CAST: variants seen among roughly 807,000 people sequenced by gnomAD.
CAST encodes MIR583 host.
Under a neutral mutation model 119.6 loss-of-function variants are expected in CAST, and 76 were observed. The ratio of observed to expected loss-of-function variants is 0.64; its 90% CI spans 0.53 to 0.77. CAST has a LOEUF of 0.77. Among genes scored for constraint, CAST ranks in the 30% least tolerant of loss-of-function variants. The pLI is 0.00. For synonymous variants in CAST, 319 were observed against 331.6 expected, an observed-to-expected ratio of 0.96 and a Z score of 0.41; for missense variants, 953 against 946.5, an observed-to-expected ratio of 1.01 and a Z score of -0.09.
the CAST span, chr5:96,397,218 T>C: frequency 1.2e-6 from 1 of 860,550 alleles, no homozygotes; most frequent in Non-Finnish European, 1.9e-6. Context: ...TTCCCTTACT[T>C]CTACTAAGAA....
At chr5:96,287,466 A>C in the CAST span, among the ~76,000 whole-genome samples, 1 of 152,106 alleles carries the variant, frequency 6.6e-6, no homozygotes, top group Non-Finnish European at 1.5e-5. Flanking sequence ...CTTCAGACCT[A>C]TATTTTTCCA....
the CAST span, among the ~76,000 whole-genome samples, chr5:96,443,042 T>C: frequency 6.6e-6 from 1 of 152,278 alleles, no homozygotes; most frequent in Admixed American, 6.5e-5. Flanking sequence ...TATTATTATC[T>C]CTTCAGAGAA....
the CAST span, among the ~76,000 whole-genome samples, chr5:96,324,658 C>G: frequency 6.6e-6 from 1 of 152,166 alleles, no homozygotes; most frequent in Non-Finnish European, 1.5e-5. Flanking sequence ...TTTATTGTAA[C>G]ACTGCACCCT....
chr5:96,060,293 A>T, the CAST span, among the ~76,000 whole-genome samples: 1 of 152,116 alleles, frequency 6.6e-6, no homozygotes, highest in Non-Finnish European at 1.5e-5. Flanking sequence ...TGTCCTCTAT[A>T]TTCATGACAC....
intron 1 of CAST, among the ~76,000 whole-genome samples, chr5:96,638,363 G>T (rs983036814): frequency 1.3e-5 from 2 of 152,076 alleles, no homozygotes; most frequent in Non-Finnish European, 2.9e-5. Flanking sequence ...CCAAGATCAT[G>T]CCACTGCACT....
the CAST span, among the ~76,000 whole-genome samples, chr5:96,123,782 G>C: frequency 1.3e-5 from 2 of 152,300 alleles, no homozygotes; most frequent in Admixed American, 1.3e-4. Context: ...TGGGAGAATT[G>C]AGAACTGATT....
the CAST span, among the ~76,000 whole-genome samples, chr5:96,140,467 T>A: frequency 1.3e-5 from 2 of 152,248 alleles, no homozygotes; most frequent in Admixed American, 1.3e-4. Flanking sequence ...CTTCATTTGC[T>A]TTCATTACTT....
chr5:96,124,416 T>C, the CAST span, among the ~76,000 whole-genome samples: 49 of 152,324 alleles, frequency 3.2e-4, no homozygotes, highest in African/African-American at 1.0e-3. Flanking sequence ...AATTCTATTA[T>C]GCTTATTTTT....
chr5:96,266,525 A>G, the CAST span, among the ~76,000 whole-genome samples: 43 of 152,348 alleles, frequency 2.8e-4, no homozygotes, highest in African/African-American at 9.1e-4. Flanking sequence ...GCAGCACTAC[A>G]CTGTAGAAAG....
Position 96,557,117 on chromosome 5 carries a change from G to T in CAST, c.60+27237G>T, listed in dbSNP as rs181971353. On this transcript the variant is annotated intron_variant, in intron 1 of 11. Coordinates refer to the CAST transcript ENST00000505143. ...TCGTATCCAGCCAAACTAAGCTTCA[G>T]AAGTGAAGGAGAAATAAAATACTTT... 2.1e-4 allele frequency among the ~76,000 whole-genome samples: 32 copies of T among 152,032 alleles called. 1 individual carries two copies. The highest frequency in any genetic ancestry group is 7.9e-4 in the Admixed American group (12 of 15,232).
chr5:96,756,687 A>G, intron 22 of CAST, among the ~76,000 whole-genome samples: 1 of 152,244 alleles, frequency 6.6e-6, no homozygotes, highest in East Asian at 1.9e-4. Context: ...TCAATGAAAC[A>G]AAAACCAACC....
chr5:96,014,144 ATTT>A, the CAST span, among the ~76,000 whole-genome samples: 1 of 143,458 alleles, frequency 7.0e-6, no homozygotes, highest in African/African-American at 2.5e-5. Flanking sequence ...TTTTGTATTC[ATTT>A]TTTTTTTTTT....
the CAST span, among the ~76,000 whole-genome samples, chr5:95,968,254 G>A: frequency 6.6e-6 from 1 of 152,100 alleles, no homozygotes; most frequent in African/African-American, 2.4e-5. Context: ...ATAGCAACAA[G>A]GCAAATAAAA....
the CAST span, chr5:96,426,074 A>T: frequency 1.5e-6 from 1 of 679,300 alleles, no homozygotes; most frequent in South Asian, 1.6e-5. Context: ...CTGGCACCTC[A>T]GTGAGAAGAA....
At chr5:96,602,821 G>T (rs1054854595) in intron 1 of CAST, among the ~76,000 whole-genome samples, 1 of 152,182 alleles carries the variant, frequency 6.6e-6, no homozygotes, top group Non-Finnish European at 1.5e-5. Context: ...AGGTGGTGAA[G>T]GAAAGCCTTT....
chr5:96,753,074 A>T (rs1226398182), intron 20 of CAST, among the ~76,000 whole-genome samples: 1 of 151,554 alleles, frequency 6.6e-6, no homozygotes, highest in African/African-American at 2.4e-5. Context: ...GCTCACTGCA[A>T]CCTCAACCTC....
the CAST span, among the ~76,000 whole-genome samples, chr5:96,063,134 T>G: frequency 6.6e-6 from 1 of 152,128 alleles, no homozygotes; most frequent in Admixed American, 6.5e-5. Context: ...TCTGTACAAG[T>G]GGATATAAAT....
At chr5:96,456,094 T>C in the CAST span, among the ~76,000 whole-genome samples, 17,901 of 152,042 alleles carry the variant, frequency 0.12, 1,807 homozygotes, top group East Asian at 0.46. Context: ...CAATAGGGAA[T>C]AGAGGGGATA....
the CAST span, among the ~76,000 whole-genome samples, chr5:96,439,470 C>A: frequency 1.4e-4 from 22 of 152,266 alleles, no homozygotes; most frequent in Admixed American, 4.6e-4. Flanking sequence ...TTGGCAGGCA[C>A]CAAATAACTT....
Sources: gnomAD v4.1 joint callset for allele counts (sites outside exome capture counted in the v4.1 genomes callset) on GRCh38, gnomAD v4.1.1 for gene constraint, MANE v1.5 for transcripts, NCBI Gene and HGNC (gene_info 2026-07-23, HGNC 2026-07-21) for gene names.